Variants in RNF43 observed in about 807,000 individuals in gnomAD.
The protein encoded by RNF43 is E3 ubiquitin-protein ligase RNF43.
In RNF43, 37 loss-of-function variants were observed where a neutral mutation model predicts 78.4. The observed-to-expected ratio is 0.47, with a 90% CI of 0.36 to 0.62. The LOEUF is 0.62. Ranked by LOEUF, RNF43 falls within the 20% of genes least tolerant of loss-of-function variation. The pLI, the probability that RNF43 is intolerant of heterozygous loss-of-function variation, is 0.00. For synonymous variants in RNF43, 347 were observed against 395.0 expected (o/e 0.88, Z 1.44); for missense variants, 774 against 1,007.9 (o/e 0.77, Z 3.14).
At chr17:58,352,740 GA>G, downstream of RNF43, 10 of 211,102 alleles carry the variant, frequency 4.7e-5, no homozygotes, top group East Asian at 7.0e-5. Context: ...AGCTACGGCG[GA>G]AAAAAATGCG....
Position 58,358,507 on chromosome 17 carries a change from G to C in RNF43, c.1269C>G (p.Ser423=), listed in dbSNP as rs2143417880. ...GGCAAGCAGCAGGGTGCTGTGAGGT[G>C]GATTGGAGGTGGCTCAGTCCCCAGC... The part of the protein sequence containing the change: ...AQGWGLSHLQ[S]TSQHPAACPV... The change falls in exon 9 of 10, where the codon TCC becomes TCG. Residue 423 remains serine (S), a synonymous_variant. Transcript: ENST00000407977. This position sits in a 1 kb window ranked among gnomAD's most constrained non-coding sequence, Gnocchi z 6.2. 6.2e-7 allele frequency: 1 copy of C among 1,613,706 alleles called. No individual in the cohort carries two copies. The highest frequency in any genetic ancestry group is 8.5e-7 in the Non-Finnish European group (1 of 1,179,768).
intron 2 of RNF43, among the ~76,000 whole-genome samples, chr17:58,377,703 C>T (rs1488349078): frequency 6.7e-6 from 1 of 149,650 alleles, no homozygotes; most frequent in Non-Finnish European, 1.5e-5. Context: ...CCCCCACCAC[C>T]GACCTCTGCT....
chr17:58,405,833 T>A (rs58647683), intron 2 of RNF43, among the ~76,000 whole-genome samples: 1 of 152,044 alleles, frequency 6.6e-6, no homozygotes, highest in Admixed American at 6.5e-5. Flanking sequence ...ATTCAATACA[T>A]AATGCCTCCT....
chr17:58,363,453 C>A, intron 4 of RNF43, 47 bp from the exon 5 acceptor site: 1 of 1,613,878 alleles, frequency 6.2e-7, no homozygotes, highest in Non-Finnish European at 8.5e-7. Flanking sequence ...TCTCCCTGCC[C>A]TTCCCTCTCC....
chr17:58,386,689 C>T (rs1973444768), intron 2 of RNF43, among the ~76,000 whole-genome samples: 1 of 152,168 alleles, frequency 6.6e-6, no homozygotes, highest in Non-Finnish European at 1.5e-5. Context: ...TTATTAAAAT[C>T]CTATATATCC....
At chr17:58,371,307 T>C (rs766611213) in intron 2 of RNF43, among the ~76,000 whole-genome samples, 1 of 152,182 alleles carries the variant, frequency 6.6e-6, no homozygotes, top group Non-Finnish European at 1.5e-5. Flanking sequence ...GCAAAGCAAC[T>C]CTAACAACCT....
At chr17:58,388,267 C>A (rs777663088) in intron 2 of RNF43, among the ~76,000 whole-genome samples, 7 of 152,198 alleles carry the variant, frequency 4.6e-5, no homozygotes, top group East Asian at 3.8e-4. Flanking sequence ...AAATACCTAA[C>A]TACTAGAGTT....
chr17:58,415,796 T>C lies in RNF43; in HGVS notation c.-219A>G. The C allele has an allele frequency of 1.7e-6, 1 of 587,214 alleles. No individual in the cohort carries two copies. The highest frequency in any genetic ancestry group is 3.0e-6 in the Non-Finnish European group (1 of 330,690). The allele number at this position is 587,214 out of a possible 1,614,324, so 36.4% of individuals were successfully genotyped here. On this transcript the variant is annotated 5_prime_UTR_variant, in exon 2 of 10. The change abolishes an upstream ATG in the 5' untranslated region. Transcript: ENST00000407977. ...GAGAAGAGGATATTTTCAGCCCACA[T>C]CTGCTGCAGGTATGTCATTTTCTCC... is the stretch of plus-strand genomic sequence containing the variant.
At chr17:58,355,895 T>C (rs562506082) in intron 9 of RNF43, among the ~76,000 whole-genome samples, 24 of 152,328 alleles carry the variant, frequency 1.6e-4, no homozygotes, top group African/African-American at 5.8e-4. Flanking sequence ...CCTAAGACAC[T>C]GGCAGGGCCA....
intron 2 of RNF43, among the ~76,000 whole-genome samples, chr17:58,409,800 C>T (rs571814616): frequency 1.9e-4 from 29 of 152,242 alleles, no homozygotes; most frequent in South Asian, 4.1e-4. Flanking sequence ...GTGGGCAGAT[C>T]GCTTGAGACT....
intron 3 of RNF43, 47 bp downstream of exon 3, chr17:58,370,864 G>T (rs2143512652): frequency 1.3e-6 from 2 of 1,514,956 alleles, no homozygotes; most frequent in South Asian, 1.3e-5. Flanking sequence ...TCACAGCCCA[G>T]AGCTGGGTGA....
intron 2 of RNF43, among the ~76,000 whole-genome samples, chr17:58,375,321 G>A (rs1298057123): frequency 6.6e-6 from 1 of 152,078 alleles, no homozygotes; most frequent in Non-Finnish European, 1.5e-5. Context: ...GCCTGGTCTG[G>A]GCCCTGCCTC....
At chr17:58,377,692 G>A (rs966084002) in intron 2 of RNF43, among the ~76,000 whole-genome samples, 3 of 12,484 alleles carry the variant, frequency 2.4e-4, no homozygotes, top group Non-Finnish European at 3.4e-4. Context: ...ACCCCCTCCT[G>A]CCCCCACCAC....
At chr17:58,382,383 G>A (rs1973338067) in intron 2 of RNF43, among the ~76,000 whole-genome samples, 1 of 152,148 alleles carries the variant, frequency 6.6e-6, no homozygotes, top group South Asian at 2.1e-4. Context: ...TTTGGTGGTT[G>A]CTCTGTCATT....
chr17:58,355,550 G>C (rs1440799785), intron 9 of RNF43, among the ~76,000 whole-genome samples: 2 of 152,186 alleles, frequency 1.3e-5, no homozygotes, highest in African/African-American at 2.4e-5. Context: ...TACAAGAATT[G>C]TTTACCCAGT....
At chr17:58,411,651 C>T (rs1413809648) in intron 2 of RNF43, among the ~76,000 whole-genome samples, 1 of 152,064 alleles carries the variant, frequency 6.6e-6, no homozygotes, top group Admixed American at 6.6e-5. Context: ...ACCAGCTGAG[C>T]AGGAAGAGTG....
At chr17:58,371,077 A>G (rs2143517308) in intron 2 of RNF43, 44 bp from the exon 3 acceptor site, 1 of 1,517,170 alleles carries the variant, frequency 6.6e-7, no homozygotes. Flanking sequence ...TTTAGGCAGC[A>G]GGAGTGAGCT....
At position 58,354,890 on chromosome 17, in the gene RNF43, A is replaced by C; in HGVS notation, c.*53T>G. On this transcript the variant is annotated 3_prime_UTR_variant, in exon 10 of 10. Coordinates refer to ENST00000407977, the MANE Select transcript of RNF43 (RefSeq NM_017763.6). ...CCAGGAGCAGGACTCTGTGCCAGGT[A>C]GGGCCCAAACACATCTGGAGCACAC... 7.3e-4 allele frequency: 1,018 copies of C among 1,391,652 alleles called. No individual in the cohort carries two copies. The highest frequency in any genetic ancestry group is 9.4e-4 in the Non-Finnish European group (916 of 977,314). The allele number at this position is 1,391,652 out of a possible 1,614,324, so 86.2% of individuals were successfully genotyped here. A position where few individuals can be genotyped will look rare whatever the true frequency, so the allele number is the denominator to read the frequency against.
intron 2 of RNF43, among the ~76,000 whole-genome samples, chr17:58,409,464 T>C (rs1331334271): frequency 6.6e-6 from 1 of 152,138 alleles, no homozygotes; most frequent in Non-Finnish European, 1.5e-5. Context: ...ATTTAAAAAA[T>C]CCAATAAACT....
Sources: gnomAD v4.1 joint callset for allele counts (sites outside exome capture counted in the v4.1 genomes callset) on GRCh38, gnomAD v4.1.1 for gene constraint, Gnocchi (gnomAD v3.1) non-coding constraint, MANE v1.5 for transcripts, NCBI Gene and HGNC (gene_info 2026-07-23, HGNC 2026-07-21) for gene names.